DSCAML1: variants seen among roughly 807,000 people sequenced by gnomAD.
The protein encoded by DSCAML1 is DS cell adhesion molecule like 1, also known as cell adhesion molecule DSCAML1.
A neutral mutation model predicts 200.5 loss-of-function variants in DSCAML1; 38 were observed. The observed-to-expected ratio is 0.19, with a 90% CI of 0.15 to 0.25. DSCAML1 has a LOEUF of 0.25. Among genes scored for constraint, DSCAML1 ranks in the 10% least tolerant of loss-of-function variants. DSCAML1 has a pLI of 1.00. For synonymous variants in DSCAML1, 1,215 were observed against 1,165.0 expected (o/e 1.04, Z -0.87); for missense variants, 2,223 against 2,858.8 (o/e 0.78, Z 5.07).
At chr11:117,520,464 C>T (rs1205138304) in intron 6 of DSCAML1, among the ~76,000 whole-genome samples, 1 of 152,088 alleles carries the variant, frequency 6.6e-6, no homozygotes, top group Non-Finnish European at 1.5e-5. Context: ...GAAGACTCCT[C>T]TAATACTGAA....
At chr11:117,497,999 C>T (rs2049324735) in intron 11 of DSCAML1, among the ~76,000 whole-genome samples, 1 of 152,206 alleles carries the variant, frequency 6.6e-6, no homozygotes, top group South Asian at 2.1e-4. Context: ...ACCTGTGAGC[C>T]CGGATGGGAT....
At chr11:117,717,991 G>A (rs1290503549) in intron 3 of DSCAML1, among the ~76,000 whole-genome samples, 3 of 152,204 alleles carry the variant, frequency 2.0e-5, no homozygotes, top group Non-Finnish European at 4.4e-5. Flanking sequence ...ACAACACCCA[G>A]GTGAGGCGGT....
chr11:117,537,742 G>T (rs1422178140), intron 3 of DSCAML1, among the ~76,000 whole-genome samples: 1 of 152,246 alleles, frequency 6.6e-6, no homozygotes, highest in Non-Finnish European at 1.5e-5. Flanking sequence ...AAAGTGCTGT[G>T]CAGAGGCGGA....
chr11:117,732,746 C>A lies in DSCAML1; in HGVS notation c.511+44045G>T, dbSNP rs553791352. Among the ~76,000 whole-genome samples, 43 of 152,252 alleles carry A rather than the reference C, an allele frequency of 2.8e-4. 1 individual carries two copies. In the South Asian group the frequency reaches 8.1e-3, roughly 29 times the overall value. ...AAAGAGCACAGTGACGACTGCCCAGCTTCCTTGGGAGCCAAGCATGAAATA... is the reference window on the plus strand; with the variant it reads ...AAAGAGCACAGTGACGACTGCCCAGATTCCTTGGGAGCCAAGCATGAAATA... On this transcript the variant is annotated intron_variant, in intron 3 of 32. Coordinates refer to ENST00000651296, the MANE Select transcript of DSCAML1 (RefSeq NM_020693.4).
At chr11:117,631,266 C>T (rs144934063) in intron 3 of DSCAML1, among the ~76,000 whole-genome samples, 108 of 152,342 alleles carry the variant, frequency 7.1e-4, no homozygotes, top group African/African-American at 2.5e-3. Flanking sequence ...TGTCCCTGCT[C>T]AGCAGATACG....
intron 3 of DSCAML1, among the ~76,000 whole-genome samples, chr11:117,559,286 C>A (rs1159627674): frequency 6.6e-6 from 1 of 152,166 alleles, no homozygotes; most frequent in Non-Finnish European, 1.5e-5. Flanking sequence ...CTTTCTGAGT[C>A]CCTTCCTGAG....
At chr11:117,665,696 G>A (rs145073543) in intron 3 of DSCAML1, among the ~76,000 whole-genome samples, 60 of 152,132 alleles carry the variant, frequency 3.9e-4, no homozygotes, top group African/African-American at 1.2e-3. Context: ...GGCAGCATGC[G>A]TGGAACTGGG....
chr11:117,621,304 G>A (rs1305972404), intron 3 of DSCAML1, among the ~76,000 whole-genome samples: 2 of 152,162 alleles, frequency 1.3e-5, no homozygotes, highest in African/African-American at 2.4e-5. Flanking sequence ...CATACAGAAA[G>A]CTCAATTCTA....
At chr11:117,618,286 G>A (rs774453842) in intron 3 of DSCAML1, among the ~76,000 whole-genome samples, 5 of 152,152 alleles carry the variant, frequency 3.3e-5, no homozygotes, top group Non-Finnish European at 5.9e-5. Flanking sequence ...TGGGGAGCTC[G>A]CTACCATCTA....
chr11:117,723,041 TAAG>T (rs2054066224), intron 3 of DSCAML1, among the ~76,000 whole-genome samples: 1 of 152,206 alleles, frequency 6.6e-6, no homozygotes, highest in Non-Finnish European at 1.5e-5. Flanking sequence ...TCCTCATCTG[TAAG>T]ATGAGAATAA....
intron 3 of DSCAML1, among the ~76,000 whole-genome samples, chr11:117,564,408 G>A (rs892153529): frequency 2.6e-5 from 4 of 152,200 alleles, no homozygotes; most frequent in Non-Finnish European, 4.4e-5. Context: ...GCTCTCAAGA[G>A]GCCAAAGGGA....
intron 3 of DSCAML1, among the ~76,000 whole-genome samples, chr11:117,628,251 G>C (rs1010030410): frequency 6.6e-6 from 1 of 152,142 alleles, no homozygotes; most frequent in South Asian, 2.1e-4. Flanking sequence ...ACTTAGGCAA[G>C]GATGGAGTGA....
intron 3 of DSCAML1, among the ~76,000 whole-genome samples, chr11:117,535,730 G>T (rs555867277): frequency 1.2e-4 from 18 of 152,276 alleles, no homozygotes; most frequent in African/African-American, 4.3e-4. Context: ...AGAAGTGCCA[G>T]TGTCGGGAGG....
intron 3 of DSCAML1, among the ~76,000 whole-genome samples, chr11:117,741,692 C>T (rs771370397): frequency 2.0e-5 from 3 of 152,340 alleles, no homozygotes; most frequent in Middle Eastern, 3.4e-3. Flanking sequence ...CCACACAACA[C>T]AGTGCTCTTT....
intron 3 of DSCAML1, among the ~76,000 whole-genome samples, chr11:117,657,680 T>C (rs2052762177): frequency 6.6e-6 from 1 of 152,184 alleles, no homozygotes; most frequent in Non-Finnish European, 1.5e-5. Flanking sequence ...GCCCAAATTC[T>C]CCCTTTTGGA....
intron 11 of DSCAML1, among the ~76,000 whole-genome samples, chr11:117,493,824 C>A (rs752689279): frequency 1.3e-5 from 2 of 152,054 alleles, no homozygotes; most frequent in African/African-American, 4.8e-5. Flanking sequence ...GATGGGATTT[C>A]GCCCGATTGC....
rs752793865 is a variant in DSCAML1 at position 117,752,766 on chromosome 11, C to T, written c.511+24025G>A. On this transcript the variant is annotated intron_variant, in intron 3 of 32. Coordinates refer to ENST00000651296, the MANE Select transcript of DSCAML1 (RefSeq NM_020693.4). ...GGGAGAAGAAGCCTATTTCTGTCAC[C>T]GTTGGGAAACCTTGCAAATTCTAGT... 2.7e-4 allele frequency among the ~76,000 whole-genome samples: 41 copies of T among 152,188 alleles called. 1 individual carries two copies. Among genetic ancestry groups the T allele is most frequent in the Admixed American group, 1.3e-3 (20 of 15,286 alleles).
chr11:117,532,559 G>C, intron 3 of DSCAML1, 37 bp from the exon 4 acceptor site: 1 of 1,596,626 alleles, frequency 6.3e-7, no homozygotes, highest in Non-Finnish European at 8.5e-7. Context: ...GTTACTTCCC[G>C]GTTTCGTACA....
chr11:117,615,095 T>C (rs1255295213), intron 3 of DSCAML1, among the ~76,000 whole-genome samples: 1 of 152,110 alleles, frequency 6.6e-6, no homozygotes, highest in Admixed American at 6.5e-5. Context: ...CTAAAAACAA[T>C]AGACTTGGAA....
Sources: allele counts gnomAD v4.1 joint callset (sites outside exome capture counted in the v4.1 genomes callset), GRCh38; gene constraint gnomAD v4.1.1; transcripts MANE v1.5; gene names NCBI Gene and HGNC (gene_info 2026-07-23, HGNC 2026-07-21).